Variants in GABRA1 observed in about 807,000 individuals in gnomAD.
GABRA1 encodes gamma-aminobutyric acid type A receptor subunit alpha1, also known as gamma-aminobutyric acid receptor subunit alpha-1.
A neutral mutation model predicts 48.9 loss-of-function variants in GABRA1; 9 were observed. That is an observed-to-expected ratio of 0.18 (90% CI 0.11 to 0.32). GABRA1 has a LOEUF of 0.32. Among genes scored for constraint, GABRA1 ranks in the 10% least tolerant of loss-of-function variants. The pLI, the probability that GABRA1 is intolerant of heterozygous loss-of-function variation, is 1.00. For missense variants in GABRA1, 285 were observed against 553.8 expected (o/e 0.51, Z 4.87); for synonymous variants, 210 against 198.7 (o/e 1.06, Z -0.48).
At chr5:161,884,988 A>G (rs965286160) in intron 7 of GABRA1, among the ~76,000 whole-genome samples, 1 of 152,188 alleles carries the variant, frequency 6.6e-6, no homozygotes, top group African/African-American at 2.4e-5. Flanking sequence ...AGAATGAGAG[A>G]CAGTGGCCCA....
intron 3 of GABRA1, among the ~76,000 whole-genome samples, chr5:161,862,813 A>G (rs1337299260): frequency 6.6e-6 from 1 of 151,954 alleles, no homozygotes; most frequent in Non-Finnish European, 1.5e-5. Context: ...ACATCACTCC[A>G]ATGCTATGTA....
chr5:161,889,896 A>G (rs1755013944), intron 7 of GABRA1, among the ~76,000 whole-genome samples: 1 of 152,000 alleles, frequency 6.6e-6, no homozygotes, highest in African/African-American at 2.4e-5. Flanking sequence ...CTCCATTAAG[A>G]TATTTTAAGT....
At chr5:161,862,430 C>T (rs1280308357) in intron 3 of GABRA1, among the ~76,000 whole-genome samples, 1 of 151,684 alleles carries the variant, frequency 6.6e-6, no homozygotes, top group Non-Finnish European at 1.5e-5. Flanking sequence ...TAATGTATTT[C>T]CCTGGATCTT....
chr5:161,891,724 C>A (rs148053397), intron 8 of GABRA1, among the ~76,000 whole-genome samples: 14 of 151,982 alleles, frequency 9.2e-5, no homozygotes, highest in Non-Finnish European at 1.9e-4. Flanking sequence ...TGCCTATATC[C>A]CCGTATACTA....
At chr5:161,890,265 T>A (rs2113444044) in intron 7 of GABRA1, among the ~76,000 whole-genome samples, 1 of 152,202 alleles carries the variant, frequency 6.6e-6, no homozygotes, top group African/African-American at 2.4e-5. Flanking sequence ...TTTCAAAGAA[T>A]GGTTTGTAAA....
chr5:161,896,999 C>T, intron 9 of GABRA1, 112 bp from the exon 10 acceptor site: 1 of 903,418 alleles, frequency 1.1e-6, no homozygotes, highest in East Asian at 2.4e-5. Flanking sequence ...TTTTTAAATT[C>T]CTAAATAAGG....
At chr5:161,865,152 T>A (rs910698815) in intron 3 of GABRA1, among the ~76,000 whole-genome samples, 1 of 152,134 alleles carries the variant, frequency 6.6e-6, no homozygotes, top group Non-Finnish European at 1.5e-5. Flanking sequence ...TGTGCCATAA[T>A]ATGTTCTTCT....
At chr5:161,874,524 G>A (rs1754262929) in intron 5 of GABRA1, among the ~76,000 whole-genome samples, 1 of 152,088 alleles carries the variant, frequency 6.6e-6, no homozygotes, top group Admixed American at 6.6e-5. Flanking sequence ...ATTTTCTGAG[G>A]AGAGACTTGC....
At chr5:161,885,029 T>G (rs1485562599) in intron 7 of GABRA1, among the ~76,000 whole-genome samples, 2 of 152,172 alleles carry the variant, frequency 1.3e-5, no homozygotes, top group African/African-American at 4.8e-5. Context: ...GTAGACCTCA[T>G]GGGCTGGGCC....
rs113936281 is a variant in GABRA1 at position 161,863,751 on chromosome 5, CT to C, written c.188-1960del. ...AGTTTTTTAAACTTATATTTTGAAGCTTTTTTTTTTCTAACAACATAATGTA... is the reference window on the plus strand; with the variant it reads ...AGTTTTTTAAACTTATATTTTGAAGCTTTTTTTTTCTAACAACATAATGTA... On this transcript the variant is annotated intron_variant, in intron 3 of 9. Transcript: ENST00000393943. Among the ~76,000 whole-genome samples, 1,176 of 148,634 alleles carry C rather than the reference CT, an allele frequency of 7.9e-3. 17 individuals are homozygous for C. Among genetic ancestry groups the C allele is most frequent in the African/African-American group, 0.025 (1,021 of 40,544 alleles).
chr5:161,871,369 G>A (rs1239736576), intron 4 of GABRA1, among the ~76,000 whole-genome samples: 1 of 151,988 alleles, frequency 6.6e-6, no homozygotes, highest in East Asian at 1.9e-4. Flanking sequence ...TCATTCAGTT[G>A]GACAGAAACT....
intron 4 of GABRA1, among the ~76,000 whole-genome samples, chr5:161,868,454 CCCTT>C (rs1753971363): frequency 6.6e-6 from 1 of 151,570 alleles, no homozygotes; most frequent in African/African-American, 2.4e-5. Context: ...AGATTAAATC[CCCTT>C]CCTTCCTTCT....
At chr5:161,874,128 T>G (rs953837519) in intron 5 of GABRA1, among the ~76,000 whole-genome samples, 2 of 152,182 alleles carry the variant, frequency 1.3e-5, no homozygotes, top group African/African-American at 2.4e-5. Context: ...ACACAGTAAT[T>G]CAGATTTTTC....
chr5:161,847,281 A>G (rs745504923), upstream of GABRA1: 2 of 152,134 alleles, frequency 1.3e-5, no homozygotes, highest in African/African-American at 2.4e-5. Flanking sequence ...CCATTTTCCT[A>G]ATCCGAGAAT....
intron 1 of GABRA1, chr5:161,850,451 T>A (rs1366353832): frequency 8.7e-6 from 4 of 460,246 alleles, no homozygotes; most frequent in Non-Finnish European, 1.5e-5. Context: ...AATATTTAGA[T>A]GATAAACAAC....
At chr5:161,847,419 C>G (rs886060358), upstream of GABRA1, 3 of 152,180 alleles carry the variant, frequency 2.0e-5, no homozygotes, top group African/African-American at 7.2e-5. Context: ...GAGGTAACAG[C>G]GCCTGCGTTT....
chr5:161,876,619 A>G (rs904268829), intron 6 of GABRA1, among the ~76,000 whole-genome samples: 3 of 152,182 alleles, frequency 2.0e-5, no homozygotes, highest in African/African-American at 7.2e-5. Context: ...TTTATTTATA[A>G]ATCCCATTTT....
chr5:161,896,561 A>G (rs1755377774), intron 9 of GABRA1, among the ~76,000 whole-genome samples: 1 of 152,244 alleles, frequency 6.6e-6, no homozygotes, highest in Non-Finnish European at 1.5e-5. Context: ...GCGTGACAAA[A>G]TGCAAGTAAG....
intron 5 of GABRA1, among the ~76,000 whole-genome samples, chr5:161,874,877 C>T (rs1754276827): frequency 6.6e-6 from 1 of 151,442 alleles, no homozygotes; most frequent in Non-Finnish European, 1.5e-5. Context: ...TCTTTCTTAG[C>T]AATCCAAAAA....
Sources: allele counts gnomAD v4.1 joint callset (sites outside exome capture counted in the v4.1 genomes callset), GRCh38; gene constraint gnomAD v4.1.1; transcripts MANE v1.5; gene names NCBI Gene and HGNC (gene_info 2026-07-23, HGNC 2026-07-21).